The following EYS variants were observed in gnomAD, a reference collection of about 807,000 sequenced individuals.
EYS encodes protein eyes shut homolog.
A neutral mutation model predicts 282.1 loss-of-function variants in EYS; 250 were observed. That is an observed-to-expected ratio of 0.89 (90% CI 0.80 to 0.98). EYS has a LOEUF of 0.98. Ranked by LOEUF, EYS falls within the 50% of genes least tolerant of loss-of-function variation. The pLI, the probability that EYS is intolerant of heterozygous loss-of-function variation, is 0.00. For missense variants in EYS, 4,016 were observed against 3,709.0 expected (o/e 1.08, Z -2.15); for synonymous variants, 1,355 against 1,282.9 (o/e 1.06, Z -1.20).
chr6:65,098,102 CTT>C (rs1375630582), intron 12 of EYS, among the ~76,000 whole-genome samples: 1 of 150,338 alleles, frequency 6.7e-6, no homozygotes, highest in African/African-American at 2.4e-5. Context: ...AGGTAACACT[CTT>C]TTGTAAAATG....
chr6:65,241,304 G>T (rs1360070915), intron 12 of EYS, among the ~76,000 whole-genome samples: 1 of 151,876 alleles, frequency 6.6e-6, no homozygotes, highest in Non-Finnish European at 1.5e-5. Flanking sequence ...CTCTTTTCTT[G>T]TCTGTTACAT....
intron 12 of EYS, among the ~76,000 whole-genome samples, chr6:65,184,509 T>C (rs564142575): frequency 3.7e-4 from 56 of 151,730 alleles, no homozygotes; most frequent in Non-Finnish European, 6.6e-4. Context: ...ATTCAAACCA[T>C]AGCATGATTC....
intron 1 of EYS, among the ~76,000 whole-genome samples, chr6:65,687,319 C>G (rs1219061359): frequency 2.0e-5 from 3 of 151,998 alleles, no homozygotes; most frequent in African/African-American, 7.2e-5. Context: ...GATCTATAAA[C>G]ATAACAGTCC....
chr6:64,831,564 TTGATGATGAAAA>T (rs1307374604), intron 19 of EYS, among the ~76,000 whole-genome samples: 3 of 151,920 alleles, frequency 2.0e-5, no homozygotes, highest in African/African-American at 2.4e-5. Context: ...CAATAAATAT[TTGATGATGAAAA>T]TGATGATGAT....
chr6:64,433,676 A>AT (rs1180233130), intron 28 of EYS, among the ~76,000 whole-genome samples: 8 of 152,140 alleles, frequency 5.3e-5, no homozygotes, highest in Middle Eastern at 3.4e-3. Context: ...AAAGAAAGTG[A>AT]TTTTTTGGTT....
chr6:64,212,340 ATAAAT>A (rs990447341), intron 31 of EYS, among the ~76,000 whole-genome samples: 15 of 152,042 alleles, frequency 9.9e-5, no homozygotes, highest in African/African-American at 3.4e-4. Flanking sequence ...ATAAATACAA[ATAAAT>A]TAATACAAAG....
intron 22 of EYS, among the ~76,000 whole-genome samples, chr6:64,801,739 C>G (rs1326727752): frequency 1.3e-5 from 2 of 151,926 alleles, no homozygotes; most frequent in Non-Finnish European, 2.9e-5. Flanking sequence ...CAAAATCATA[C>G]CATAATTTTA....
At chr6:64,151,349 ATATATATATAT>A (rs1349682749) in intron 31 of EYS, among the ~76,000 whole-genome samples, 1 of 109,902 alleles carries the variant, frequency 9.1e-6, no homozygotes, top group Non-Finnish European at 1.8e-5. Context: ...ATATATATAT[ATATATATATAT>A]ATAATTTTTT....
At chr6:65,527,317 A>G (rs1767606785) in intron 2 of EYS, among the ~76,000 whole-genome samples, 1 of 152,190 alleles carries the variant, frequency 6.6e-6, no homozygotes, top group Non-Finnish European at 1.5e-5. Context: ...ATGGTAGAGA[A>G]ATATACTGGG....
At chr6:64,071,775 C>T (rs566356356) in intron 32 of EYS, among the ~76,000 whole-genome samples, 4 of 151,218 alleles carry the variant, frequency 2.6e-5, no homozygotes, top group East Asian at 2.0e-4. Context: ...TTTGATGTTA[C>T]AACACATATA....
chr6:64,285,690 A>G (rs1220348620), intron 30 of EYS, among the ~76,000 whole-genome samples: 1 of 152,174 alleles, frequency 6.6e-6, no homozygotes, highest in Admixed American at 6.5e-5. Flanking sequence ...GTTTAATTGG[A>G]CTTACACTTC....
rs71551553 is a variant in EYS, at chr6:64,000,168, CTTTTTTTTTTTTTTTTT to C, written c.6726-1002_6726-986del. ...CTGAGGAGTTTCCCAAGACATGGGA[CTTTTTTTTTTTTTTTTT>C]TTTTTTTTTTTTTTTTTTTTTTTTT... On this transcript the variant is annotated intron_variant, in intron 33 of 42. Transcript: ENST00000503581. Among the ~76,000 whole-genome samples the C allele has an allele frequency of 5.5e-3, 235 of 42,650 alleles. 1 individual carries two copies. The highest frequency in any genetic ancestry group is 0.017 in the African/African-American group (195 of 11,342). 28.0% of individuals were successfully genotyped at this position (42,650 alleles called of 152,430 possible).
chr6:64,551,390 T>C (rs1211545613), intron 26 of EYS, among the ~76,000 whole-genome samples: 1 of 151,986 alleles, frequency 6.6e-6, no homozygotes, highest in Admixed American at 6.6e-5. Context: ...GTAGCTGTTG[T>C]TGCACATCTG....
intron 26 of EYS, among the ~76,000 whole-genome samples, chr6:64,487,327 T>C (rs994095496): frequency 8.6e-5 from 13 of 150,972 alleles, no homozygotes; most frequent in African/African-American, 1.9e-4. Context: ...TGAAATCATA[T>C]AGAGAGAGCA....
intron 37 of EYS, among the ~76,000 whole-genome samples, chr6:63,791,888 A>C (rs1770523309): frequency 6.6e-6 from 1 of 152,148 alleles, no homozygotes; most frequent in Non-Finnish European, 1.5e-5. Flanking sequence ...ATGATACTGA[A>C]ATACATTAAA....
chr6:64,780,531 G>C (rs550926304), intron 22 of EYS, among the ~76,000 whole-genome samples: 1 of 152,218 alleles, frequency 6.6e-6, no homozygotes, highest in East Asian at 1.9e-4. Context: ...GAGAGGGAAG[G>C]ACGGGGTTGA....
At chr6:63,820,173 G>A (rs1771285425) in intron 36 of EYS, among the ~76,000 whole-genome samples, 1 of 152,152 alleles carries the variant, frequency 6.6e-6, no homozygotes, top group Non-Finnish European at 1.5e-5. Flanking sequence ...ATTTTTGACA[G>A]TCTGATGAGG....
At chr6:65,468,455 C>T (rs1408233802) in intron 5 of EYS, among the ~76,000 whole-genome samples, 1 of 152,006 alleles carries the variant, frequency 6.6e-6, no homozygotes, top group African/African-American at 2.4e-5. Flanking sequence ...TCAGGATGGA[C>T]TTACAACATA....
intron 8 of EYS, among the ~76,000 whole-genome samples, chr6:65,356,709 T>C (rs1478661788): frequency 6.6e-6 from 1 of 152,038 alleles, no homozygotes; most frequent in East Asian, 1.9e-4. Flanking sequence ...TGATTGCAGC[T>C]CTTAATACCT....
Sources: gnomAD v4.1 joint callset for allele counts (sites outside exome capture counted in the v4.1 genomes callset) on GRCh38, gnomAD v4.1.1 for gene constraint, MANE v1.5 for transcripts, NCBI Gene and HGNC (gene_info 2026-07-23, HGNC 2026-07-21) for gene names.